AFF1: variants seen among roughly 807,000 people sequenced by gnomAD.
AFF1 encodes ALF transcription elongation factor 1, also known as AF4/FMR2 family member 1.
A neutral mutation model predicts 121.7 loss-of-function variants in AFF1; 48 were observed. That is an observed-to-expected ratio of 0.39 (90% CI 0.31 to 0.50). The LOEUF is 0.50. Among genes scored for constraint, AFF1 ranks in the 20% least tolerant of loss-of-function variants. AFF1 has a pLI of 0.76. For missense variants in AFF1, 1,523 were observed against 1,511.7 expected (o/e 1.01, Z -0.12); for synonymous variants, 613 against 563.0 (o/e 1.09, Z -1.26).
At chr4:86,999,752 A>C (rs955813797) in intron 2 of AFF1, among the ~76,000 whole-genome samples, 2 of 152,212 alleles carry the variant, frequency 1.3e-5, no homozygotes, top group Non-Finnish European at 2.9e-5. Flanking sequence ...AGTTGCTTGA[A>C]GTCTGCAGAG....
chr4:87,130,461 A>G (rs1728724222), intron 16 of AFF1, among the ~76,000 whole-genome samples: 1 of 152,188 alleles, frequency 6.6e-6, no homozygotes, highest in African/African-American at 2.4e-5. Flanking sequence ...CAAAGTGTGT[A>G]TTCAGGGTGT....
chr4:86,941,452 AGTTCG>A (rs1260747019), intron 1 of AFF1, among the ~76,000 whole-genome samples: 1 of 152,154 alleles, frequency 6.6e-6, no homozygotes, highest in East Asian at 1.9e-4. Flanking sequence ...GGAAGTCAGG[AGTTCG>A]AGTTGAGCCT....
rs1309258331 is a variant in AFF1 at position 87,134,710 on chromosome 4, T to C, written c.3535+16T>C. On this transcript the variant is annotated intron_variant, in intron 20 of 20. Coordinates refer to ENST00000395146, the MANE Select transcript of AFF1 (RefSeq NM_001166693.3). ...AAGAATAAAGGTAAATAAATGGCTTTGTGGTGGTAATTACTGGGGTGTTTG... is the reference window on the plus strand; with the variant it reads ...AAGAATAAAGGTAAATAAATGGCTTCGTGGTGGTAATTACTGGGGTGTTTG... The C allele has an allele frequency of 3.1e-6, 5 of 1,594,400 alleles. No individual in the cohort carries two copies. Among genetic ancestry groups the C allele is most frequent in the Admixed American group, 1.7e-5 (1 of 59,898 alleles).
chr4:87,015,553 A>G (rs769747338), intron 2 of AFF1, among the ~76,000 whole-genome samples: 29 of 152,242 alleles, frequency 1.9e-4, no homozygotes, highest in Non-Finnish European at 4.0e-4. Flanking sequence ...TGCCCAGAAG[A>G]TGAAAAGTCC....
At chr4:87,007,346 A>C in intron 2 of AFF1, 1 of 1,610,868 alleles carries the variant, frequency 6.2e-7, no homozygotes, top group Middle Eastern at 1.7e-4. Context: ...CGGCGCTGGC[A>C]GCAGGGCCCG....
intron 2 of AFF1, among the ~76,000 whole-genome samples, chr4:87,021,543 T>C (rs896688177): frequency 6.6e-6 from 1 of 152,228 alleles, no homozygotes; most frequent in African/African-American, 2.4e-5. Context: ...GTGGATAGTA[T>C]CCCACTTTCT....
chr4:86,967,854 C>G (rs1029470908), intron 2 of AFF1, among the ~76,000 whole-genome samples: 4 of 152,114 alleles, frequency 2.6e-5, no homozygotes, highest in Non-Finnish European at 4.4e-5. Flanking sequence ...GCAATTGGTT[C>G]TCTAAGTCTA....
intron 8 of AFF1, among the ~76,000 whole-genome samples, chr4:87,103,382 A>T (rs980018666): frequency 6.6e-6 from 1 of 152,246 alleles, no homozygotes; most frequent in Non-Finnish European, 1.5e-5. Context: ...TTATACTCAC[A>T]AATTTTTATT....
chr4:87,123,018 T>C lies in AFF1; in HGVS notation c.2467-2019T>C, dbSNP rs13129624. Among the ~76,000 whole-genome samples the C allele has an allele frequency of 2.5e-3, 380 of 152,082 alleles. 1 individual carries two copies. Among genetic ancestry groups the C allele is most frequent in the Non-Finnish European group, 4.4e-3 (297 of 67,988 alleles). ...CTAGTGATTCTTGGCCTCAGCTTCC[T>C]GAGTAGCTGGGACTACAGGCACGCA... On this transcript the variant is annotated intron_variant, in intron 12 of 20. Transcript: ENST00000395146.
At chr4:87,005,439 C>G (rs1726031116) in intron 2 of AFF1, among the ~76,000 whole-genome samples, 1 of 152,234 alleles carries the variant, frequency 6.6e-6, no homozygotes, top group Non-Finnish European at 1.5e-5. Context: ...TTCCAAAATG[C>G]TTGAAAGCTC....
chr4:87,058,119 G>GT (rs1435006332), intron 4 of AFF1, among the ~76,000 whole-genome samples: 3 of 152,180 alleles, frequency 2.0e-5, no homozygotes, highest in African/African-American at 7.2e-5. Flanking sequence ...AAGTATGGCA[G>GT]TTGGCAGGAG....
chr4:87,084,900 G>C (rs1392440999), intron 5 of AFF1, among the ~76,000 whole-genome samples: 4 of 152,142 alleles, frequency 2.6e-5, no homozygotes, highest in South Asian at 4.1e-4. Flanking sequence ...GTTAAACAGT[G>C]CTTGATTTAT....
intron 2 of AFF1, among the ~76,000 whole-genome samples, chr4:86,978,177 C>CTTTTTTTTTCTTTT: frequency 2.5e-5 from 1 of 39,324 alleles, no homozygotes; most frequent in Admixed American, 5.3e-4. Flanking sequence ...ATTACATTCA[C>CTTTTTTTTTCTTTT]TTTTTTTTTT....
chr4:87,112,550 GATCCTTTT>G (rs1726644864), intron 11 of AFF1, among the ~76,000 whole-genome samples: 1 of 152,160 alleles, frequency 6.6e-6, no homozygotes, highest in East Asian at 1.9e-4. Context: ...CTATCTACCT[GATCCTTTT>G]ATTACCTAAC....
At position 87,137,982 on chromosome 4, in the gene AFF1, C is replaced by T; in HGVS notation, c.*2281C>T. 1 of 231,220 alleles carries T rather than the reference C, an allele frequency of 4.3e-6. No homozygotes were observed. Among genetic ancestry groups the T allele is most frequent in the Non-Finnish European group, 8.5e-6 (1 of 117,152 alleles). The allele number at this position is 231,220 out of a possible 1,614,324, so 14.3% of individuals were successfully genotyped here. A position where few individuals can be genotyped will look rare whatever the true frequency, so the allele number is the denominator to read the frequency against. On this transcript the variant is annotated 3_prime_UTR_variant, in exon 21 of 21. Coordinates refer to ENST00000395146, the MANE Select transcript of AFF1 (RefSeq NM_001166693.3). ...AGACATTTCCAGGTAGATTTCTCAG[C>T]CAGCTCTAAAACAGATTGCTTTTTC...
intron 6 of AFF1, among the ~76,000 whole-genome samples, 169 bp from the exon 7 acceptor site, chr4:87,091,624 T>C (rs1352937936): frequency 1.3e-5 from 2 of 152,192 alleles, no homozygotes; most frequent in African/African-American, 4.8e-5. Flanking sequence ...ATGAAATAAT[T>C]ATAGAATCTG....
intron 4 of AFF1, among the ~76,000 whole-genome samples, chr4:87,057,880 C>T (rs750245454): frequency 1.6e-4 from 25 of 152,106 alleles, no homozygotes; most frequent in Admixed American, 1.4e-3. Flanking sequence ...AAACCCCCAC[C>T]GCTGTCTTCA....
At chr4:87,069,262 G>T (rs1056825716) in intron 4 of AFF1, among the ~76,000 whole-genome samples, 59 of 139,676 alleles carry the variant, frequency 4.2e-4, no homozygotes, top group Non-Finnish European at 7.1e-4. Context: ...GGCGTGGTGT[G>T]TGTGGCCTCT....
chr4:87,007,517 A>T, intron 2 of AFF1: 1 of 1,538,992 alleles, frequency 6.5e-7, no homozygotes, highest in Non-Finnish European at 9.0e-7. Flanking sequence ...AAGGAGACGG[A>T]CAGGAAGCAG....
Sources: allele counts gnomAD v4.1 joint callset (sites outside exome capture counted in the v4.1 genomes callset), GRCh38; gene constraint gnomAD v4.1.1; transcripts MANE v1.5; gene names NCBI Gene and HGNC (gene_info 2026-07-23, HGNC 2026-07-21).